DPP10: variants seen among roughly 807,000 people sequenced by gnomAD.
DPP10 encodes the protein dipeptidyl peptidase like 10.
DPP10 carries 33 observed loss-of-function variants against 120.9 expected under a neutral mutation model. That is an observed-to-expected ratio of 0.27 (90% CI 0.21 to 0.37). The LOEUF (loss-of-function observed/expected upper bound fraction) is 0.37, where lower values mean the gene tolerates loss of function less well. Ranked by LOEUF, DPP10 falls within the 10% of genes least tolerant of loss-of-function variation. The pLI, the probability that DPP10 is intolerant of heterozygous loss-of-function variation, is 1.00. For missense variants in DPP10, 816 were observed against 942.8 expected, an observed-to-expected ratio of 0.87 and a Z score of 1.76; for synonymous variants, 337 against 326.1, an observed-to-expected ratio of 1.03 and a Z score of -0.36.
chr2:114,474,869 C>A (rs181259522), intron 1 of DPP10, among the ~76,000 whole-genome samples: 1 of 152,326 alleles, frequency 6.6e-6, no homozygotes, highest in African/African-American at 2.4e-5. Context: ...AGAAGGGCTG[C>A]AAACCCTAAG....
intron 1 of DPP10, among the ~76,000 whole-genome samples, chr2:115,172,460 A>G (rs953857366): frequency 1.3e-5 from 2 of 152,188 alleles, no homozygotes; most frequent in Admixed American, 1.3e-4. Context: ...CCAAGTTCCA[A>G]TACAGACCAG....
At position 115,697,846 on chromosome 2, in the gene DPP10, G is replaced by A. The variant is rs181632499; in HGVS notation, c.576+7925G>A. Among the ~76,000 whole-genome samples the A allele has an allele frequency of 5.1e-3, 782 of 152,164 alleles. 1 individual carries two copies. Among genetic ancestry groups the A allele is most frequent in the Non-Finnish European group, 8.8e-3 (601 of 67,964 alleles). On this transcript the variant is annotated intron_variant, in intron 7 of 25. Coordinates refer to ENST00000410059, the MANE Select transcript of DPP10 (RefSeq NM_020868.6). The stretch of plus-strand genomic sequence containing the variant: ...TAAAAATACAAAAAATTAGCCGGGC[G>A]TGGTGGCGGGCGCCTGTAGTCCCAG...
intron 1 of DPP10, among the ~76,000 whole-genome samples, chr2:114,838,406 C>T (rs369569030): frequency 7.9e-5 from 12 of 152,190 alleles, no homozygotes; most frequent in Non-Finnish European, 1.3e-4. Context: ...TGCCACCTCC[C>T]GGATTTGAGC....
chr2:115,699,735 C>T (rs1331024843), intron 7 of DPP10, among the ~76,000 whole-genome samples: 1 of 152,186 alleles, frequency 6.6e-6, no homozygotes, highest in Non-Finnish European at 1.5e-5. Context: ...CTACAAAAAA[C>T]TTACAGATCA....
intron 1 of DPP10, among the ~76,000 whole-genome samples, chr2:115,207,502 A>T (rs538969414): frequency 7.1e-6 from 1 of 139,960 alleles, no homozygotes; most frequent in South Asian, 2.4e-4. Context: ...TTGAGTGCCT[A>T]TTGTGTTTAA....
intron 17 of DPP10, among the ~76,000 whole-genome samples, chr2:115,785,779 C>T (rs1419761397): frequency 6.7e-6 from 1 of 149,362 alleles, no homozygotes; most frequent in Admixed American, 6.7e-5. Context: ...TTCGAAGAAC[C>T]AACTTTTGGT....
chr2:115,088,658 C>G (rs1480451374), intron 1 of DPP10, among the ~76,000 whole-genome samples: 3 of 138,946 alleles, frequency 2.2e-5, no homozygotes, highest in African/African-American at 7.9e-5. Flanking sequence ...GTTGCCCAGG[C>G]TGGTCTCAAA....
chr2:115,598,813 C>CTTTTT (rs11458817), intron 5 of DPP10, among the ~76,000 whole-genome samples: 1 of 141,742 alleles, frequency 7.1e-6, no homozygotes, highest in Non-Finnish European at 1.5e-5. Flanking sequence ...GCCTGAAGAG[C>CTTTTT]TTTTTTTTTT....
At chr2:115,804,535 C>T (rs566953787) in intron 19 of DPP10, among the ~76,000 whole-genome samples, 3 of 152,278 alleles carry the variant, frequency 2.0e-5, no homozygotes, top group African/African-American at 4.8e-5. Context: ...GGTTTTTCTG[C>T]TCTGTTTTTT....
chr2:115,264,728 T>C (rs1478265742), intron 1 of DPP10, among the ~76,000 whole-genome samples: 1 of 152,230 alleles, frequency 6.6e-6, no homozygotes, highest in Non-Finnish European at 1.5e-5. Context: ...AGATGTCACA[T>C]ATTTTGGAAT....
intron 1 of DPP10, among the ~76,000 whole-genome samples, chr2:115,046,798 C>A (rs1036327533): frequency 2.0e-5 from 3 of 151,762 alleles, no homozygotes; most frequent in Non-Finnish European, 2.9e-5. Context: ...TTTTTCAGTT[C>A]TTTTCATTCT....
At chr2:114,549,639 C>T (rs764673392) in intron 1 of DPP10, among the ~76,000 whole-genome samples, 24 of 125,314 alleles carry the variant, frequency 1.9e-4, no homozygotes, top group South Asian at 1.5e-3. Flanking sequence ...CCAGCCTGGG[C>T]GACAGAGTGA....
intron 5 of DPP10, among the ~76,000 whole-genome samples, chr2:115,591,414 T>C (rs564294685): frequency 5.7e-4 from 87 of 152,224 alleles, no homozygotes; most frequent in Non-Finnish European, 1.1e-3. Context: ...AATAGGGAAT[T>C]CTTTCCTCAT....
intron 5 of DPP10, among the ~76,000 whole-genome samples, chr2:115,684,462 C>T (rs1237831171): frequency 6.6e-6 from 1 of 151,892 alleles, no homozygotes. Context: ...CCTGTATTGT[C>T]TTTCCTCTTA....
At chr2:114,738,884 T>G (rs1354463842) in intron 1 of DPP10, among the ~76,000 whole-genome samples, 1 of 152,162 alleles carries the variant, frequency 6.6e-6, no homozygotes, top group East Asian at 1.9e-4. Context: ...GTTTATTTCT[T>G]CCAGATATGT....
intron 1 of DPP10, among the ~76,000 whole-genome samples, chr2:114,768,156 GA>G (rs369211755): frequency 0.033 from 4,555 of 137,092 alleles, 269 homozygotes; most frequent in African/African-American, 0.11. Context: ...AGTTCTCAGA[GA>G]AAAAAAAAAA....
At chr2:115,454,538 A>G (rs918865498) in intron 3 of DPP10, among the ~76,000 whole-genome samples, 43 of 151,808 alleles carry the variant, frequency 2.8e-4, no homozygotes, top group Admixed American at 9.2e-4. Flanking sequence ...AGTCATGATA[A>G]AAACTCTCAA....
intron 1 of DPP10, among the ~76,000 whole-genome samples, chr2:114,644,528 G>A (rs1259969111): frequency 1.3e-5 from 2 of 151,726 alleles, no homozygotes; most frequent in African/African-American, 4.9e-5. Flanking sequence ...ATTGCTGATG[G>A]TCTAAGTCAG....
intron 3 of DPP10, among the ~76,000 whole-genome samples, chr2:115,404,458 T>C (rs951126475): frequency 6.6e-6 from 1 of 152,090 alleles, no homozygotes; most frequent in South Asian, 2.1e-4. Context: ...TATCAACTTA[T>C]ATACTGAAAA....
Sources: gnomAD v4.1 joint callset for allele counts (sites outside exome capture counted in the v4.1 genomes callset) on GRCh38, gnomAD v4.1.1 for gene constraint, MANE v1.5 for transcripts, NCBI Gene and HGNC (gene_info 2026-07-23, HGNC 2026-07-21) for gene names.